Variants in TMC6 observed in about 807,000 individuals in gnomAD.
TMC6 encodes the protein transmembrane channel-like protein 6.
In TMC6, 71 loss-of-function variants were observed where a neutral mutation model predicts 95.4. The observed-to-expected ratio is 0.74, with a 90% CI of 0.61 to 0.91. TMC6 has a LOEUF of 0.91. Ranked by LOEUF, TMC6 falls within the 40% of genes least tolerant of loss-of-function variation. The pLI is 0.00. For synonymous variants in TMC6, 514 were observed against 483.1 expected (o/e 1.06, Z -0.84); for missense variants, 1,074 against 1,079.1 (o/e 1.00, Z 0.07).
rs980986538 is a variant in TMC6, at chr17:78,109,940, C to A, written c.*3208G>T. On this transcript the variant is annotated 3_prime_UTR_variant, in exon 20 of 20. Transcript: ENST00000590602. Reference sequence around the variant, plus strand: ...AATTAGCTGGGCATGGTAGCACATGCCTGTAATCCCAGCTACTTGGGAAGC... The same window carrying A: ...AATTAGCTGGGCATGGTAGCACATGACTGTAATCCCAGCTACTTGGGAAGC... 1 of 206,340 alleles carries A rather than the reference C, an allele frequency of 4.8e-6. No homozygotes were observed. Among genetic ancestry groups the A allele is most frequent in the African/African-American group, 2.3e-5 (1 of 42,942 alleles). 12.8% of individuals were successfully genotyped at this position (206,340 alleles called of 1,614,324 possible).
chr17:78,114,789 A>G (rs1050029443), intron 18 of TMC6, among the ~76,000 whole-genome samples: 2 of 152,152 alleles, frequency 1.3e-5, no homozygotes, highest in Non-Finnish European at 2.9e-5. Flanking sequence ...TGTGCACTTG[A>G]GCCATGCCGA....
chr17:78,115,303 A>G (rs73374932), intron 18 of TMC6, among the ~76,000 whole-genome samples: 10,723 of 152,258 alleles, frequency 0.07, 1,270 homozygotes, highest in African/African-American at 0.24. Flanking sequence ...GGCAGACGCC[A>G]GCCGCTGATC....
rs2074170793 is a variant in TMC6, at chr17:78,117,280, G to A, written c.2266C>T (p.Gln756Ter). 1 of 1,613,390 alleles carries A rather than the reference G, an allele frequency of 6.2e-7. No homozygotes were observed. Among genetic ancestry groups the A allele is most frequent in the Non-Finnish European group, 8.5e-7 (1 of 1,179,990 alleles). Residue 756 changes from glutamine to a stop codon, truncating the protein, a stop_gained, in exon 18 of 20, where the codon CAG becomes TAG. Coordinates refer to ENST00000590602, the MANE Select transcript of TMC6 (RefSeq NM_001127198.5). LOFTEE classifies it high-confidence loss of function. ...QRKVICLLKEQISNEGEDKIF... is the reference protein window; with the variant it reads ...QRKVICLLKE Reference sequence around the variant, plus strand: ...GGAGGGGCACTCACATTGCTGATCTGCTCCTTGAGCAGGCAGATGACCTTG... The same window carrying A: ...GGAGGGGCACTCACATTGCTGATCTACTCCTTGAGCAGGCAGATGACCTTG...
intron 13 of TMC6, chr17:78,119,827 C>T: frequency 2.7e-6 from 1 of 366,730 alleles, no homozygotes; most frequent in Non-Finnish European, 5.2e-6. Context: ...ATTTTTATTT[C>T]TTTAGAGACA....
In TMC6 at chr17:78,113,188, G is replaced by T; in HGVS notation, c.2378C>A (p.Ala793Glu). The change falls in exon 20 of 20, where the codon GCG (alanine) becomes GAG (glutamate). Residue 793 changes from alanine to glutamate, a missense_variant. Ala to Glu is a moderately radical substitution (Grantham distance 107). Transcript: ENST00000590602. ...ATCTGTGAGCAGGGCAGGGGGTGCC[G>T]CAGCCTCCTCGGTTGTCCCAACCCT... ...RSRVGTTEEAAAPPALLTDEQ... is the reference protein window; with the variant it reads ...RSRVGTTEEAEAPPALLTDEQ... The T allele has an allele frequency of 6.4e-7, 1 of 1,557,490 alleles. No individual in the cohort carries two copies. Among genetic ancestry groups the T allele is most frequent in the South Asian group, 1.2e-5 (1 of 84,510 alleles).
At chr17:78,126,390 A>G (rs563185146) in intron 3 of TMC6, 24 bp from the exon 4 acceptor site, 3 of 1,600,164 alleles carry the variant, frequency 1.9e-6, no homozygotes, top group Admixed American at 3.4e-5. Flanking sequence ...AAGACTCACC[A>G]GGGGTCCTGG....
Position 78,128,674 on chromosome 17 carries a change from G to T in TMC6, c.-137C>A, listed in dbSNP as rs971227487. The T allele has an allele frequency of 2.6e-5, 4 of 152,052 alleles. No homozygotes were observed. The highest frequency in any genetic ancestry group is 2.0e-4 in the Admixed American group (3 of 15,278). The allele number at this position is 152,052 out of a possible 1,614,324, so 9.4% of individuals were successfully genotyped here. On this transcript the variant is annotated 5_prime_UTR_variant, in exon 1 of 20. Coordinates refer to ENST00000590602, the MANE Select transcript of TMC6 (RefSeq NM_001127198.5). This position sits in a 1 kb window ranked among gnomAD's most constrained non-coding sequence, Gnocchi z 4.0. ...CAGGGCTCACCTGTGCCCCGCAAGA[G>T]CCGCCGGGAACTGAGGTCTCGGCTC...
Position 78,113,733 on chromosome 17 carries a change from C to T in TMC6, c.2278-109G>A, listed in dbSNP as rs951602183. On this transcript the variant is annotated intron_variant, in intron 18 of 19. Transcript: ENST00000590602. ...AAAACTCACGAGGTGTATTCAACAT[C>T]GCAAGCAGCAAAAACATAAAAGAAA... 66 of 1,121,216 alleles carry T rather than the reference C, an allele frequency of 5.9e-5. 1 individual carries two copies. The highest frequency in any genetic ancestry group is 1.5e-4 in the South Asian group (12 of 80,646). The allele number at this position is 1,121,216 out of a possible 1,614,324, so 69.5% of individuals were successfully genotyped here. A position where few individuals can be genotyped will look rare whatever the true frequency, so the allele number is the denominator to read the frequency against.
At chr17:78,113,752 A>C in intron 18 of TMC6, 128 bp from the exon 19 acceptor site, 1 of 979,328 alleles carries the variant, frequency 1.0e-6, no homozygotes. Context: ...CAAAAACATA[A>C]AAGAAAAGGT....
chr17:78,131,670 C>A, upstream of TMC6: 1 of 1,569,786 alleles, frequency 6.4e-7, no homozygotes, highest in Non-Finnish European at 8.6e-7. Flanking sequence ...AGAGATGGAG[C>A]GGCTGCGCGG....
chr17:78,126,133 G>C, intron 4 of TMC6, 144 bp downstream of exon 4: 1 of 1,275,880 alleles, frequency 7.8e-7, no homozygotes, highest in Non-Finnish European at 1.1e-6. Context: ...GATGGGATGG[G>C]CTAGGAGCCC....
chr17:78,120,867 G>A (rs375082957), intron 12 of TMC6, 35 bp from the exon 13 acceptor site: 10 of 1,610,690 alleles, frequency 6.2e-6, no homozygotes, highest in Admixed American at 3.3e-5. Flanking sequence ...TGAGGGGCGG[G>A]TACAGGGGAC....
rs1196141948 is a variant in TMC6, at chr17:78,120,699, A to G, written c.1669T>C (p.Phe557Leu). The G allele has an allele frequency of 3.1e-6, 5 of 1,613,914 alleles. No homozygotes were observed. The highest frequency in any genetic ancestry group is 1.6e-4 in the Middle Eastern group (1 of 6,084). ...AGCGTGTCCAGCAACATGAGGACGA[A>G]GTCCATCACCAGGAACCGGTACAGC... ...QELYRFLVMD[F>L]VLMLLDTLFG... The change falls in exon 13 of 20, where the codon TTC becomes CTC. Residue 557 changes from phenylalanine to leucine, a missense_variant. Phe to Leu is a conservative substitution (Grantham distance 22, BLOSUM62 0). Transcript: ENST00000590602.
chr17:78,124,388 G>A (rs2145337934), intron 8 of TMC6, 136 bp downstream of exon 8: 1 of 1,442,112 alleles, frequency 6.9e-7, no homozygotes. Flanking sequence ...GGGAGGCGGG[G>A]AGCTGGCTGT....
rs1437782580 is a variant in TMC6 at position 78,112,109 on chromosome 17, A to G, written c.*1039T>C. On this transcript the variant is annotated 3_prime_UTR_variant, in exon 20 of 20. Transcript: ENST00000590602. ...GGGCTGGTCCCCGCAGGCCTGGAGCACTGAGGCTGACGGGCTGGTTCCTGC... is the reference window on the plus strand; with the variant it reads ...GGGCTGGTCCCCGCAGGCCTGGAGCGCTGAGGCTGACGGGCTGGTTCCTGC... 5.0e-6 allele frequency: 1 copy of G among 199,606 alleles called. No homozygotes were observed. Among genetic ancestry groups the G allele is most frequent in the Non-Finnish European group, 9.9e-6 (1 of 101,192 alleles). The allele number at this position is 199,606 out of a possible 1,614,324, so 12.4% of individuals were successfully genotyped here. A position where few individuals can be genotyped will look rare whatever the true frequency, so the allele number is the denominator to read the frequency against.
chr17:78,131,901 G>A (rs1195275056), upstream of TMC6: 1 of 1,475,222 alleles, frequency 6.8e-7, no homozygotes, highest in East Asian at 2.6e-5. Context: ...GGAGCCCGCG[G>A]GGGTGCAGAC....
rs959873679 is a variant in TMC6, at chr17:78,108,805, ATTT to A, written c.*4340_*4342del. ...ATATATATTTTTTTAAGTTTATTAA[ATTT>A]TTTTTTAAATGGCAGTTTCAGACCT... On this transcript the variant is annotated 3_prime_UTR_variant, in exon 20 of 20. Transcript: ENST00000590602. 2.0e-5 allele frequency: 3 copies of A among 151,748 alleles called. No individual in the cohort carries two copies. Among genetic ancestry groups the A allele is most frequent in the African/African-American group, 7.3e-5 (3 of 41,274 alleles). The allele number at this position is 151,748 out of a possible 1,614,324, so 9.4% of individuals were successfully genotyped here.
At chr17:78,131,789 G>A (rs1285738628), upstream of TMC6, 1 of 1,542,520 alleles carries the variant, frequency 6.5e-7, no homozygotes, top group South Asian at 1.2e-5. Flanking sequence ...CTGCGAGGCT[G>A]CCCCGTCGGA....
rs2074429638 is a variant in TMC6, at chr17:78,121,804, C to T, written c.1228-93G>A. The T allele has an allele frequency of 6.8e-7, 1 of 1,462,706 alleles. No homozygotes were observed. The highest frequency in any genetic ancestry group is 9.1e-7 in the Non-Finnish European group (1 of 1,098,972). The allele number at this position is 1,462,706 out of a possible 1,614,324, so 90.6% of individuals were successfully genotyped here. On this transcript the variant is annotated intron_variant, in intron 10 of 19. Coordinates refer to ENST00000590602, the MANE Select transcript of TMC6 (RefSeq NM_001127198.5). The surrounding 1 kb of genome is among the most constrained non-coding windows in gnomAD (Gnocchi z 5.6). ...CACAACACACACAACACACATGAGACACACCAGGAGGCTTGAACCAGGACA... is the reference window on the plus strand; with the variant it reads ...CACAACACACACAACACACATGAGATACACCAGGAGGCTTGAACCAGGACA...
Sources: allele counts gnomAD v4.1 joint callset (sites outside exome capture counted in the v4.1 genomes callset), GRCh38; gene constraint gnomAD v4.1.1; non-coding constraint Gnocchi (gnomAD v3.1); transcripts MANE v1.5; gene names NCBI Gene and HGNC (gene_info 2026-07-23, HGNC 2026-07-21).